Variants in NKAIN3 observed in about 807,000 individuals in gnomAD.
NKAIN3 encodes sodium/potassium-transporting ATPase subunit beta-1-interacting protein 3.
A neutral mutation model predicts 30.2 loss-of-function variants in NKAIN3; 25 were observed. The observed-to-expected ratio is 0.83, with a 90% CI of 0.60 to 1.16. The LOEUF is 1.16. Among genes scored for constraint, NKAIN3 ranks in the 50% most tolerant of loss-of-function variants. The pLI, the probability that NKAIN3 is intolerant of heterozygous loss-of-function variation, is 0.00. For synonymous variants in NKAIN3, 91 were observed against 89.6 expected, an observed-to-expected ratio of 1.02 and a Z score of -0.09; for missense variants, 225 against 254.1, an observed-to-expected ratio of 0.89 and a Z score of 0.78.
chr8:62,295,701 T>C (rs1813803969), intron 1 of NKAIN3, among the ~76,000 whole-genome samples: 1 of 152,174 alleles, frequency 6.6e-6, no homozygotes, highest in African/African-American at 2.4e-5. Flanking sequence ...TTCTATTAGC[T>C]CCCCTCTTCG....
chr8:62,831,220 G>GA (rs1563583224), intron 4 of NKAIN3, among the ~76,000 whole-genome samples: 3 of 151,252 alleles, frequency 2.0e-5, no homozygotes, highest in Admixed American at 6.6e-5. Context: ...AAAGGAAAAT[G>GA]AAAAAATAAA....
At chr8:62,868,351 T>C (rs1020380893) in intron 4 of NKAIN3, among the ~76,000 whole-genome samples, 1 of 152,056 alleles carries the variant, frequency 6.6e-6, no homozygotes, top group African/African-American at 2.4e-5. Flanking sequence ...CTTTTTTTTT[T>C]TTCCTTGTGA....
chr8:62,659,473 A>T (rs973359727), intron 3 of NKAIN3, among the ~76,000 whole-genome samples: 1 of 152,232 alleles, frequency 6.6e-6, no homozygotes, highest in Non-Finnish European at 1.5e-5. Flanking sequence ...ATTTTTAAGG[A>T]GCTTAATGTG....
intron 3 of NKAIN3, among the ~76,000 whole-genome samples, chr8:62,732,024 C>T (rs1815484639): frequency 6.6e-6 from 1 of 151,964 alleles, no homozygotes; most frequent in Non-Finnish European, 1.5e-5. Flanking sequence ...TATAAAGTCA[C>T]TTTAAATGCT....
At chr8:62,543,643 A>G (rs1808913049) in intron 1 of NKAIN3, among the ~76,000 whole-genome samples, 1 of 152,178 alleles carries the variant, frequency 6.6e-6, no homozygotes, top group Admixed American at 6.6e-5. Flanking sequence ...CCCAGAGCCA[A>G]TGCTAACCTT....
chr8:62,513,363 T>G (rs1807871945), intron 1 of NKAIN3, among the ~76,000 whole-genome samples: 1 of 151,426 alleles, frequency 6.6e-6, no homozygotes, highest in African/African-American at 2.4e-5. Context: ...GATTGCAGTT[T>G]AGAGGGGGAA....
chr8:62,665,430 G>A (rs80323324), intron 3 of NKAIN3, among the ~76,000 whole-genome samples: 14,193 of 151,814 alleles, frequency 0.093, 874 homozygotes, highest in East Asian at 0.26. Flanking sequence ...AAGCTGCTGG[G>A]AGAGGTCCCA....
At chr8:62,986,651 T>A (rs1304016313), downstream of NKAIN3, among the ~76,000 whole-genome samples, 3 of 152,218 alleles carry the variant, frequency 2.0e-5, no homozygotes, top group Non-Finnish European at 4.4e-5. Context: ...AATAACTTAA[T>A]CATGTCTTTG....
chr8:62,364,844 A>AAAAAAAAAAAAAAAAAAAAAAAAAC (rs1816686125), intron 1 of NKAIN3, among the ~76,000 whole-genome samples: 1 of 151,054 alleles, frequency 6.6e-6, no homozygotes, highest in Non-Finnish European at 1.5e-5. Context: ...AAAAAAAAAA[A>AAAAAAAAAAAAAAAAAAAAAAAAAC]AAAAAAATCA....
At chr8:62,480,002 T>TA (rs761988496) in intron 1 of NKAIN3, among the ~76,000 whole-genome samples, 1 of 152,220 alleles carries the variant, frequency 6.6e-6, no homozygotes, top group Non-Finnish European at 1.5e-5. Flanking sequence ...CAAAGATGTT[T>TA]TTAAAGGAAC....
intron 1 of NKAIN3, among the ~76,000 whole-genome samples, chr8:62,353,181 A>G (rs1217965707): frequency 1.3e-5 from 2 of 152,232 alleles, no homozygotes; most frequent in Non-Finnish European, 2.9e-5. Context: ...AGTGGTACAT[A>G]TACCCAGGTG....
chr8:62,600,012 GATAAA>G, intron 3 of NKAIN3, among the ~76,000 whole-genome samples: 1 of 151,922 alleles, frequency 6.6e-6, no homozygotes, highest in South Asian at 2.1e-4. Flanking sequence ...TACACTTAAA[GATAAA>G]GAACCCAAGT....
chr8:62,488,032 T>C (rs1430899938), intron 1 of NKAIN3, among the ~76,000 whole-genome samples: 1 of 152,230 alleles, frequency 6.6e-6, no homozygotes, highest in Non-Finnish European at 1.5e-5. Flanking sequence ...TTGTTGGTAG[T>C]GTTTTACCTT....
chr8:62,410,263 C>G (rs945196139), intron 1 of NKAIN3, among the ~76,000 whole-genome samples: 2 of 152,198 alleles, frequency 1.3e-5, no homozygotes, highest in Non-Finnish European at 1.5e-5. Context: ...TCCAGTGCCA[C>G]ACATGCTGCT....
At chr8:62,897,435 C>G (rs1366228648) in intron 4 of NKAIN3, among the ~76,000 whole-genome samples, 1 of 151,826 alleles carries the variant, frequency 6.6e-6, no homozygotes, top group Non-Finnish European at 1.5e-5. Flanking sequence ...TTTGCCAAGA[C>G]TGGTTTAAAG....
intron 1 of NKAIN3, among the ~76,000 whole-genome samples, chr8:62,453,318 A>C (rs1805709665): frequency 6.6e-6 from 1 of 152,192 alleles, no homozygotes; most frequent in South Asian, 2.1e-4. Flanking sequence ...GAAATCAATA[A>C]ATTCTTTGAA....
chr8:62,744,538 G>A lies in NKAIN3; in HGVS notation c.274-2394G>A, dbSNP rs192066739. On this transcript the variant is annotated intron_variant, in intron 3 of 6. Coordinates refer to ENST00000623646, the MANE Select transcript of NKAIN3 (RefSeq NM_001304533.3). Reference sequence around the variant, plus strand: ...TAAGAATGCTTAAGGAATGGAAATCGCTATGAATTTTGAGATCATGCTAGT... The same window carrying A: ...TAAGAATGCTTAAGGAATGGAAATCACTATGAATTTTGAGATCATGCTAGT... 1.1e-3 allele frequency among the ~76,000 whole-genome samples: 169 copies of A among 152,242 alleles called. 1 individual carries two copies. The highest frequency in any genetic ancestry group is 3.4e-3 in the Admixed American group (52 of 15,284).
intron 1 of NKAIN3, among the ~76,000 whole-genome samples, chr8:62,384,061 G>A (rs1379659533): frequency 1.3e-5 from 2 of 152,064 alleles, no homozygotes; most frequent in African/African-American, 4.8e-5. Flanking sequence ...CACTTTGTAT[G>A]GATTCCATGG....
rs909804572 is a variant in NKAIN3, at chr8:62,968,364, T to C, written c.*2957T>C. 1.3e-5 allele frequency among the ~76,000 whole-genome samples: 2 copies of C among 152,226 alleles called. No homozygotes were observed. The highest frequency in any genetic ancestry group is 2.9e-5 in the Non-Finnish European group (2 of 68,036). On this transcript the variant is annotated 3_prime_UTR_variant, in exon 7 of 7. Transcript: ENST00000623646. ...GTTATTGCTTTTGCCTCCAGTCTTATAGAATGCACTCTGCATTGTGCGTAT... is the reference window on the plus strand; with the variant it reads ...GTTATTGCTTTTGCCTCCAGTCTTACAGAATGCACTCTGCATTGTGCGTAT...
Sources: allele counts gnomAD v4.1 joint callset (sites outside exome capture counted in the v4.1 genomes callset), GRCh38; gene constraint gnomAD v4.1.1; transcripts MANE v1.5; gene names NCBI Gene and HGNC (gene_info 2026-07-23, HGNC 2026-07-21).